Variants in SNTG1 observed in about 807,000 individuals in gnomAD.
SNTG1 encodes gamma-1-syntrophin.
In SNTG1, 39 loss-of-function variants were observed where a neutral mutation model predicts 74.7. The ratio of observed to expected loss-of-function variants is 0.52; its 90% CI spans 0.40 to 0.68. SNTG1 has a LOEUF of 0.68. Ranked by LOEUF, SNTG1 falls within the 30% of genes least tolerant of loss-of-function variation. The probability of loss-of-function intolerance (pLI) is 0.00; values close to 1 mark genes in which losing one functional copy is unlikely to be tolerated. For synonymous variants in SNTG1, 254 were observed against 217.1 expected (o/e 1.17, Z -1.49); for missense variants, 685 against 609.5 (o/e 1.12, Z -1.30).
intron 1 of SNTG1, among the ~76,000 whole-genome samples, chr8:50,074,146 T>A (rs558304118): frequency 8.5e-5 from 13 of 152,130 alleles, no homozygotes; most frequent in Non-Finnish European, 1.6e-4. Context: ...TTGTTTAGTG[T>A]AACCACCTTC....
chr8:50,405,525 A>G (rs10101856), intron 4 of SNTG1, among the ~76,000 whole-genome samples: 143,913 of 152,180 alleles, frequency 0.95, 68,334 homozygotes, highest in Non-Finnish European at 1. Context: ...AGTTGCAGGA[A>G]TTCTTAATGT....
intron 1 of SNTG1, among the ~76,000 whole-genome samples, chr8:50,143,345 C>T (rs893305063): frequency 4.6e-5 from 7 of 152,028 alleles, no homozygotes; most frequent in East Asian, 1.9e-4. Flanking sequence ...TTGAGAAAAA[C>T]GTTGTGTTTG....
chr8:50,599,767 CT>C (rs2094759323), intron 13 of SNTG1, among the ~76,000 whole-genome samples: 2 of 152,052 alleles, frequency 1.3e-5, no homozygotes, highest in Admixed American at 6.5e-5. Context: ...GATAATTTGA[CT>C]TCTTCTTTTC....
At chr8:50,461,688 C>T (rs2093564108) in intron 8 of SNTG1, among the ~76,000 whole-genome samples, 1 of 151,746 alleles carries the variant, frequency 6.6e-6, no homozygotes, top group South Asian at 2.1e-4. Context: ...TTTAAATACT[C>T]TAATATAGTA....
At chr8:50,255,739 C>T (rs1484359129) in intron 2 of SNTG1, among the ~76,000 whole-genome samples, 1 of 152,164 alleles carries the variant, frequency 6.6e-6, no homozygotes, top group Admixed American at 6.5e-5. Flanking sequence ...CCACCTTACT[C>T]CAGTATGACT....
chr8:50,069,764 C>T (rs781586438), intron 1 of SNTG1, among the ~76,000 whole-genome samples: 1 of 151,028 alleles, frequency 6.6e-6, no homozygotes, highest in Non-Finnish European at 1.5e-5. Flanking sequence ...TGCTTCATTC[C>T]TGCCCTGCTA....
chr8:50,366,078 A>G (rs1178936622), intron 2 of SNTG1, among the ~76,000 whole-genome samples: 1 of 152,176 alleles, frequency 6.6e-6, no homozygotes, highest in Non-Finnish European at 1.5e-5. Context: ...TAGAACTTTT[A>G]TCATGCTATA....
intron 2 of SNTG1, among the ~76,000 whole-genome samples, chr8:50,357,161 T>C (rs962378256): frequency 1.3e-5 from 2 of 152,292 alleles, no homozygotes; most frequent in East Asian, 1.9e-4. Context: ...GCCATACTCC[T>C]TGGTGTGGAG....
intron 1 of SNTG1, among the ~76,000 whole-genome samples, chr8:50,087,779 A>T: frequency 6.6e-6 from 1 of 151,968 alleles, no homozygotes; most frequent in African/African-American, 2.4e-5. Flanking sequence ...TTTATTTTTT[A>T]TTTATTTATT....
chr8:50,212,176 A>G (rs2084552314), intron 2 of SNTG1, among the ~76,000 whole-genome samples: 1 of 152,052 alleles, frequency 6.6e-6, no homozygotes, highest in African/African-American at 2.4e-5. Context: ...CTTGTACAGT[A>G]TCTGTTTTAA....
At chr8:50,574,086 G>C (rs80215815) in intron 12 of SNTG1, among the ~76,000 whole-genome samples, 5,122 of 151,824 alleles carry the variant, frequency 0.034, 138 homozygotes, top group African/African-American at 0.065. Context: ...TATGCCTAGG[G>C]TTCCATTATT....
chr8:50,262,505 G>T (rs2087245290), intron 2 of SNTG1, among the ~76,000 whole-genome samples: 1 of 152,092 alleles, frequency 6.6e-6, no homozygotes, highest in Non-Finnish European at 1.5e-5. Flanking sequence ...CCGCCTCCTG[G>T]GTTCACGCCA....
chr8:50,574,517 T>C (rs1004788249), intron 12 of SNTG1, among the ~76,000 whole-genome samples: 5 of 152,164 alleles, frequency 3.3e-5, no homozygotes, highest in African/African-American at 1.2e-4. Context: ...TAATGTTTTA[T>C]GAGTATATAT....
chr8:50,360,994 A>G (rs1412626671), intron 2 of SNTG1, among the ~76,000 whole-genome samples: 2 of 152,210 alleles, frequency 1.3e-5, no homozygotes, highest in Non-Finnish European at 2.9e-5. Context: ...TTTTTCACTT[A>G]AACTTTTAAT....
chr8:50,178,502 T>G (rs2083083831), intron 2 of SNTG1, among the ~76,000 whole-genome samples: 1 of 152,192 alleles, frequency 6.6e-6, no homozygotes, highest in African/African-American at 2.4e-5. Flanking sequence ...AAGGCCATTA[T>G]AGACAATACT....
At chr8:50,017,132 G>A (rs1289192343) in intron 1 of SNTG1, among the ~76,000 whole-genome samples, 1 of 151,968 alleles carries the variant, frequency 6.6e-6, no homozygotes, top group African/African-American at 2.4e-5. Context: ...TACAAACTAA[G>A]AAATAAAGAA....
chr8:49,917,336 C>A lies in SNTG1; in HGVS notation c.-103+5105C>A, dbSNP rs770523201. ...TCATAAACTTTCCTTCCACATCTGT[C>A]ATGCCATTCTTCTTGAAAATGTTTC... On this transcript the variant is annotated intron_variant, in intron 1 of 18. Transcript: ENST00000642720. Among the ~76,000 whole-genome samples the A allele has an allele frequency of 2.0e-5, 3 of 152,176 alleles. No individual in the cohort carries two copies. In the East Asian group the frequency reaches 5.8e-4, roughly 29 times the overall value.
At chr8:50,195,702 G>T (rs1396443507) in intron 2 of SNTG1, among the ~76,000 whole-genome samples, 1 of 152,168 alleles carries the variant, frequency 6.6e-6, no homozygotes, top group Non-Finnish European at 1.5e-5. Context: ...CCCGCAAACA[G>T]ACCTTCAGCT....
intron 12 of SNTG1, among the ~76,000 whole-genome samples, chr8:50,579,105 G>A (rs111481098): frequency 1.3e-3 from 200 of 152,250 alleles, no homozygotes; most frequent in African/African-American, 4.4e-3. Flanking sequence ...CTTGTTGAAT[G>A]GCTTTGACCA....
Sources: gnomAD v4.1 joint callset for allele counts (sites outside exome capture counted in the v4.1 genomes callset) on GRCh38, gnomAD v4.1.1 for gene constraint, MANE v1.5 for transcripts, NCBI Gene and HGNC (gene_info 2026-07-23, HGNC 2026-07-21) for gene names.